The following TENM3 variants were observed in gnomAD, a reference collection of about 807,000 sequenced individuals.
TENM3 encodes the protein teneurin-3.
Under a neutral mutation model 255.1 loss-of-function variants are expected in TENM3, and 63 were observed. The ratio of observed to expected loss-of-function variants is 0.25; its 90% CI spans 0.20 to 0.30. The LOEUF is 0.30. Among genes scored for constraint, TENM3 ranks in the 10% least tolerant of loss-of-function variants. The probability of loss-of-function intolerance (pLI) is 1.00; values close to 1 mark genes in which losing one functional copy is unlikely to be tolerated. For missense variants in TENM3, 2,929 were observed against 3,461.1 expected (o/e 0.85, Z 3.86); for synonymous variants, 1,306 against 1,322.3 (o/e 0.99, Z 0.27).
the TENM3 span, among the ~76,000 whole-genome samples, chr4:182,119,995 C>A: frequency 1.3e-5 from 2 of 152,120 alleles, no homozygotes; most frequent in Non-Finnish European, 2.9e-5. Context: ...AGCCACTGCA[C>A]CTGTCCTCCC....
chr4:182,795,534 A>G (rs1011681903), intron 26 of TENM3, among the ~76,000 whole-genome samples: 1 of 152,222 alleles, frequency 6.6e-6, no homozygotes, highest in African/African-American at 2.4e-5. Context: ...CTGGTTTTAT[A>G]GCCATATGAT....
chr4:182,518,597 C>T lies in TENM3; in HGVS notation c.512-82327C>T, dbSNP rs572708686. On this transcript the variant is annotated intron_variant, in intron 3 of 27. Transcript: ENST00000511685. ...CTCTAGGGCCTGAGGGCCTCAGTCC[C>T]ATAGCTGCAAGGAAGTGAGTTCTGC... Among the ~76,000 whole-genome samples, 24 of 152,154 alleles carry T rather than the reference C, an allele frequency of 1.6e-4. 1 individual carries two copies. The South Asian group carries it at 4.8e-3, about 30-fold the overall frequency.
Position 182,793,519 on chromosome 4 carries a change from G to A in TENM3, c.6847G>A (p.Ala2283Thr). Residue 2283 changes from alanine (A) to threonine (T), a missense_variant, in exon 26 of 28, where the codon GCC becomes ACC. Physicochemically the swap from Ala to Thr is moderately conservative, Grantham distance 58. This residue lies in a region of TENM3 where 256 missense variants were observed against 389.3 expected (regional missense o/e 0.66). Transcript: ENST00000511685. The surrounding 1 kb of genome is among the most constrained non-coding windows in gnomAD (Gnocchi z 5.7). Reference sequence around the variant, plus strand: ...TTATGATCTCCAAGGACATCTTTTTGCCATGGAAATCAGCAGTGGGGATGA... The same window carrying A: ...TTATGATCTCCAAGGACATCTTTTTACCATGGAAATCAGCAGTGGGGATGA... ...LYYDLQGHLFAMEISSGDEFY... is the reference protein window; with the variant it reads ...LYYDLQGHLFTMEISSGDEFY... The A allele has an allele frequency of 6.2e-7, 1 of 1,613,902 alleles. No individual in the cohort carries two copies. Among genetic ancestry groups the A allele is most frequent in the Non-Finnish European group, 8.5e-7 (1 of 1,179,842 alleles).
chr4:182,341,611 G>A (rs1041953509), intron 2 of TENM3, among the ~76,000 whole-genome samples: 1 of 151,934 alleles, frequency 6.6e-6, no homozygotes, highest in Non-Finnish European at 1.5e-5. Flanking sequence ...CCAACATTTG[G>A]GTTATTTAAA....
the TENM3 span, among the ~76,000 whole-genome samples, chr4:181,647,916 T>G: frequency 6.6e-6 from 1 of 152,016 alleles, no homozygotes; most frequent in Non-Finnish European, 1.5e-5. Context: ...GAGTCAAACC[T>G]TTGGGGGAGG....
chr4:181,858,643 AC>A, the TENM3 span, among the ~76,000 whole-genome samples: 5 of 152,314 alleles, frequency 3.3e-5, no homozygotes, highest in African/African-American at 1.2e-4. Flanking sequence ...TAAGATCCAG[AC>A]CAGCGCTGAA....
At chr4:181,985,869 A>C in the TENM3 span, among the ~76,000 whole-genome samples, 1 of 152,168 alleles carries the variant, frequency 6.6e-6, no homozygotes, top group Admixed American at 6.6e-5. Context: ...CGGCACTTCT[A>C]GTTAAGGTTT....
intron 6 of TENM3, among the ~76,000 whole-genome samples, chr4:182,656,404 A>T (rs944082557): frequency 3.3e-5 from 5 of 152,206 alleles, no homozygotes; most frequent in African/African-American, 1.2e-4. Flanking sequence ...CAAGTTCTTA[A>T]TATCTCCTAA....
chr4:182,333,658 T>G (rs1412823682), intron 2 of TENM3, among the ~76,000 whole-genome samples: 1 of 152,176 alleles, frequency 6.6e-6, no homozygotes, highest in Non-Finnish European at 1.5e-5. Context: ...TCAGTTGAAA[T>G]AGGAACATAA....
intron 3 of TENM3, among the ~76,000 whole-genome samples, chr4:182,351,906 C>T (rs1765206163): frequency 6.6e-6 from 1 of 152,112 alleles, no homozygotes; most frequent in Non-Finnish European, 1.5e-5. Context: ...TCAGGTATGC[C>T]TGGTGCTTAC....
chr4:182,765,568 G>A (rs1353862417), intron 22 of TENM3, among the ~76,000 whole-genome samples: 2 of 152,038 alleles, frequency 1.3e-5, no homozygotes, highest in Non-Finnish European at 2.9e-5. Flanking sequence ...TTGTGAGTAG[G>A]TAACATCTTA....
At chr4:181,995,332 ATTACATCTGCC>A in the TENM3 span, among the ~76,000 whole-genome samples, 1 of 152,132 alleles carries the variant, frequency 6.6e-6, no homozygotes, top group African/African-American at 2.4e-5. Context: ...AATACAGTGA[ATTACATCTGCC>A]TTTGTCCCAT....
chr4:182,027,271 A>C, the TENM3 span, among the ~76,000 whole-genome samples: 2 of 152,118 alleles, frequency 1.3e-5, no homozygotes, highest in African/African-American at 4.8e-5. Flanking sequence ...ATTTCTCTTC[A>C]GATTGCTCAC....
At chr4:181,999,574 TGA>T in the TENM3 span, among the ~76,000 whole-genome samples, 2 of 152,128 alleles carry the variant, frequency 1.3e-5, no homozygotes, top group South Asian at 4.1e-4. Context: ...TGAAAAAATA[TGA>T]GTTTATATTA....
At chr4:182,294,141 A>G (rs934277251) in intron 1 of TENM3, among the ~76,000 whole-genome samples, 2 of 152,174 alleles carry the variant, frequency 1.3e-5, no homozygotes, top group African/African-American at 4.8e-5. Context: ...AGTTAAAAAA[A>G]AAAATGTCAT....
At chr4:181,934,749 T>G in the TENM3 span, among the ~76,000 whole-genome samples, 1 of 152,164 alleles carries the variant, frequency 6.6e-6, no homozygotes, top group African/African-American at 2.4e-5. Context: ...TGGCATAAGA[T>G]TAGTGGAATT....
At chr4:181,854,559 G>A in the TENM3 span, among the ~76,000 whole-genome samples, 3 of 152,048 alleles carry the variant, frequency 2.0e-5, no homozygotes, top group African/African-American at 2.4e-5. Flanking sequence ...CAAATAAATT[G>A]TTGCCGAATC....
chr4:181,820,063 G>A, the TENM3 span: 4 of 151,954 alleles, frequency 2.6e-5, no homozygotes, highest in African/African-American at 9.7e-5. Flanking sequence ...CATGAAATGG[G>A]TTTCAGCTGG....
At chr4:182,374,282 G>A (rs1767032946) in intron 3 of TENM3, among the ~76,000 whole-genome samples, 1 of 152,114 alleles carries the variant, frequency 6.6e-6, no homozygotes, top group Non-Finnish European at 1.5e-5. Flanking sequence ...AGCTGTATTT[G>A]AATTTCAATC....
Sources: gnomAD v4.1 joint callset for allele counts (sites outside exome capture counted in the v4.1 genomes callset) on GRCh38, gnomAD v4.1.1 for gene constraint, gnomAD v4.1.1 regional missense constraint, Gnocchi (gnomAD v3.1) non-coding constraint, MANE v1.5 for transcripts, NCBI Gene and HGNC (gene_info 2026-07-23, HGNC 2026-07-21) for gene names.